The following SCFD2 variants were observed in gnomAD, a reference collection of about 807,000 sequenced individuals.
The protein encoded by SCFD2 is sec1 family domain containing 2.
Under a neutral mutation model 58.9 loss-of-function variants are expected in SCFD2, and 54 were observed. That is an observed-to-expected ratio of 0.92 (90% CI 0.74 to 1.15). The LOEUF is 1.15. Ranked by LOEUF, SCFD2 falls within the 50% of genes most tolerant of loss-of-function variation. The pLI is 0.00. For synonymous variants in SCFD2, 321 were observed against 335.9 expected (o/e 0.96, Z 0.49); for missense variants, 805 against 836.6 (o/e 0.96, Z 0.47).
intron 5 of SCFD2, among the ~76,000 whole-genome samples, chr4:52,963,370 G>A (rs150693627): frequency 1.6e-3 from 251 of 152,290 alleles, no homozygotes; most frequent in African/African-American, 5.7e-3. Flanking sequence ...CTTTAAAAAT[G>A]TTCACATATA....
intron 3 of SCFD2, among the ~76,000 whole-genome samples, chr4:53,276,399 GT>G (rs1237518935): frequency 6.6e-6 from 1 of 151,856 alleles, no homozygotes; most frequent in Non-Finnish European, 1.5e-5. Flanking sequence ...ATACTTAGGG[GT>G]TTGTGAAAAA....
At chr4:52,899,482 C>G (rs1248990155) in intron 7 of SCFD2, among the ~76,000 whole-genome samples, 1 of 152,242 alleles carries the variant, frequency 6.6e-6, no homozygotes, top group Non-Finnish European at 1.5e-5. Flanking sequence ...CTGGCCCCCA[C>G]TCTCTTCTGG....
chr4:53,047,397 A>C (rs1294519168), intron 5 of SCFD2, among the ~76,000 whole-genome samples: 2 of 152,196 alleles, frequency 1.3e-5, no homozygotes, highest in African/African-American at 4.8e-5. Flanking sequence ...GCAGTGAGCC[A>C]TGATCACACC....
rs73250931 is a variant in SCFD2 at position 53,085,216 on chromosome 4, T to C, written c.1561+60117A>G. ...AGGATACAAAACCAATATACAAATA[T>C]CAGTATTATTTCTATATATCAACAG... On this transcript the variant is annotated intron_variant, in intron 5 of 8. Transcript: ENST00000401642. 2.1e-3 allele frequency among the ~76,000 whole-genome samples: 318 copies of C among 152,204 alleles called. 1 individual carries two copies. The highest frequency in any genetic ancestry group is 3.5e-3 in the Non-Finnish European group (236 of 68,000).
At chr4:53,301,686 G>A (rs977568513) in intron 3 of SCFD2, among the ~76,000 whole-genome samples, 6 of 152,136 alleles carry the variant, frequency 3.9e-5, no homozygotes, top group Admixed American at 1.3e-4. Context: ...GATGAACATC[G>A]ATGCAAAAAT....
chr4:53,030,247 A>G (rs553099162), intron 5 of SCFD2, among the ~76,000 whole-genome samples: 1 of 152,306 alleles, frequency 6.6e-6, no homozygotes, highest in South Asian at 2.1e-4. Flanking sequence ...GTCATTAGGG[A>G]AATGAAAATA....
intron 4 of SCFD2, among the ~76,000 whole-genome samples, chr4:53,254,362 TC>T (rs1432160882): frequency 6.6e-6 from 1 of 152,146 alleles, no homozygotes; most frequent in East Asian, 1.9e-4. Flanking sequence ...ATGCACTCAC[TC>T]CATCCTGCCA....
At chr4:53,166,008 A>G (rs1185237054) in intron 4 of SCFD2, among the ~76,000 whole-genome samples, 2 of 152,258 alleles carry the variant, frequency 1.3e-5, no homozygotes, top group Non-Finnish European at 2.9e-5. Context: ...GGTACCACAT[A>G]TAAGTGGTAA....
chr4:52,878,329 G>A (rs1718529223), intron 8 of SCFD2, among the ~76,000 whole-genome samples: 1 of 152,226 alleles, frequency 6.6e-6, no homozygotes, highest in Non-Finnish European at 1.5e-5. Flanking sequence ...AGCTCTAGTA[G>A]AAGATGCTCA....
In SCFD2 at chr4:53,086,328, T is replaced by C. The variant is rs902660316; in HGVS notation, c.1561+59005A>G. On this transcript the variant is annotated intron_variant, in intron 5 of 8. Coordinates refer to ENST00000401642, the MANE Select transcript of SCFD2 (RefSeq NM_152540.4). The stretch of plus-strand genomic sequence containing the variant: ...AGAGAAATGCAAATCAAAACTACAA[T>C]GAGATATCACCTCACCTCAGTTAAA... Among the ~76,000 whole-genome samples the C allele has an allele frequency of 7.1e-4, 108 of 152,214 alleles. 2 individuals are homozygous for C. The highest frequency in any genetic ancestry group is 2.5e-3 in the African/African-American group (105 of 41,536).
rs577588557 is a variant in SCFD2 at position 52,909,040 on chromosome 4, C to G, written c.1708-1449G>C. ...TTTTTTTTAAATCAGACTATTGACA[C>G]TCCAAAAGTTTGAAAATACACTCTT... On this transcript the variant is annotated intron_variant, in intron 6 of 8. Transcript: ENST00000401642. Among the ~76,000 whole-genome samples the G allele has an allele frequency of 2.6e-5, 4 of 152,248 alleles. No individual in the cohort carries two copies. The East Asian group carries it at 7.7e-4, about 29-fold the overall frequency.
intron 5 of SCFD2, among the ~76,000 whole-genome samples, chr4:53,012,001 C>T (rs1722102923): frequency 7.3e-6 from 1 of 137,082 alleles, no homozygotes; most frequent in Non-Finnish European, 1.6e-5. Flanking sequence ...AGGTTTTAGG[C>T]TTTTTTTTTT....
At chr4:52,934,437 T>C (rs1577838795) in intron 5 of SCFD2, among the ~76,000 whole-genome samples, 2 of 152,318 alleles carry the variant, frequency 1.3e-5, no homozygotes, top group South Asian at 2.1e-4. Flanking sequence ...TCAAAACACA[T>C]AATTATTCTG....
At chr4:53,037,136 T>C (rs577747137) in intron 5 of SCFD2, among the ~76,000 whole-genome samples, 6 of 152,166 alleles carry the variant, frequency 3.9e-5, no homozygotes, top group Non-Finnish European at 4.4e-5. Flanking sequence ...CTTATGTAAA[T>C]GTCTATCAAC....
At chr4:53,123,478 G>A (rs1394497892) in intron 5 of SCFD2, among the ~76,000 whole-genome samples, 1 of 145,064 alleles carries the variant, frequency 6.9e-6, no homozygotes, top group African/African-American at 2.6e-5. Context: ...ACAGCTGAGG[G>A]AGCAGCCAAA....
chr4:53,217,217 C>T (rs6554073), intron 4 of SCFD2, among the ~76,000 whole-genome samples: 67,935 of 151,792 alleles, frequency 0.45, 16,219 homozygotes, highest in Admixed American at 0.52. Flanking sequence ...CTTTCTGTCT[C>T]GTTGATCTGT....
intron 5 of SCFD2, among the ~76,000 whole-genome samples, chr4:53,005,212 C>T (rs527627603): frequency 4.9e-4 from 74 of 152,224 alleles, no homozygotes; most frequent in African/African-American, 1.7e-3. Context: ...GATTTCTACT[C>T]TTAACTTTGG....
At chr4:53,139,091 C>T (rs1726031853) in intron 5 of SCFD2, among the ~76,000 whole-genome samples, 1 of 152,202 alleles carries the variant, frequency 6.6e-6, no homozygotes, top group Non-Finnish European at 1.5e-5. Context: ...GCCTGGTCTC[C>T]AGCTCCTGAC....
At chr4:53,158,678 A>G (rs997155450) in intron 4 of SCFD2, among the ~76,000 whole-genome samples, 1 of 152,230 alleles carries the variant, frequency 6.6e-6, no homozygotes, top group African/African-American at 2.4e-5. Context: ...GATCCACTTA[A>G]AATTATTTAA....
Sources: gnomAD v4.1 joint callset for allele counts (sites outside exome capture counted in the v4.1 genomes callset) on GRCh38, gnomAD v4.1.1 for gene constraint, MANE v1.5 for transcripts, NCBI Gene and HGNC (gene_info 2026-07-23, HGNC 2026-07-21) for gene names.